The following CHRNA7 variants were observed in gnomAD, a reference collection of about 807,000 sequenced individuals.
CHRNA7 encodes cholinergic receptor nicotinic alpha 7 subunit.
Under a neutral mutation model 48.0 loss-of-function variants are expected in CHRNA7, and 17 were observed. The observed-to-expected ratio is 0.35, with a 90% CI of 0.24 to 0.53. CHRNA7 has a LOEUF of 0.53. Ranked by LOEUF, CHRNA7 falls within the 20% of genes least tolerant of loss-of-function variation. The probability of loss-of-function intolerance (pLI) is 0.92; values close to 1 mark genes in which losing one functional copy is unlikely to be tolerated. For synonymous variants in CHRNA7, 75 were observed against 242.3 expected (o/e 0.31, Z 6.41); for missense variants, 155 against 577.7 (o/e 0.27, Z 7.50).
intron 2 of CHRNA7, 58 bp from the exon 3 acceptor site, chr15:32,101,245 C>G: frequency 6.5e-7 from 1 of 1,547,234 alleles, no homozygotes; most frequent in Non-Finnish European, 8.8e-7. Context: ...ATAATTGTCT[C>G]ATTCTTTCTT....
At chr15:32,086,466 C>G (rs1566828757) in intron 2 of CHRNA7, among the ~76,000 whole-genome samples, 1 of 151,974 alleles carries the variant, frequency 6.6e-6, no homozygotes. Flanking sequence ...CAGGGAGTTT[C>G]CCTGGAGGCC....
chr15:32,112,106 C>T, intron 4 of CHRNA7: 1 of 632,700 alleles, frequency 1.6e-6, no homozygotes, highest in Non-Finnish European at 2.9e-6. Flanking sequence ...TGCACACGTG[C>T]ACACGCTGGC....
chr15:32,050,018 G>C (rs1212873521), intron 2 of CHRNA7, among the ~76,000 whole-genome samples: 1 of 152,226 alleles, frequency 6.6e-6, no homozygotes, highest in African/African-American at 2.4e-5. Context: ...GAGATCCGCT[G>C]TTAGTCTGAT....
At chr15:32,132,448 A>C (rs1017607143) in intron 4 of CHRNA7, among the ~76,000 whole-genome samples, 7 of 152,182 alleles carry the variant, frequency 4.6e-5, no homozygotes, top group African/African-American at 1.7e-4. Flanking sequence ...AAGACTTCTT[A>C]GTCATATTTA....
In CHRNA7 at chr15:32,111,460, A is replaced by C. The variant is rs989641780; in HGVS notation, c.241-330A>C. 5.1e-5 allele frequency: 11 copies of C among 216,340 alleles called. No individual in the cohort carries two copies. In the East Asian group the frequency reaches 1.1e-3, roughly 21 times the overall value. The allele number at this position is 216,340 out of a possible 1,614,324, so 13.4% of individuals were successfully genotyped here. A position where few individuals can be genotyped will look rare whatever the true frequency, so the allele number is the denominator to read the frequency against. On this transcript the variant is annotated intron_variant, in intron 3 of 9. Coordinates refer to ENST00000306901, the MANE Select transcript of CHRNA7 (RefSeq NM_000746.6). The stretch of plus-strand genomic sequence containing the variant: ...AGTATTCTTACAGTGAAAACTTCTA[A>C]GGCAAAACAGTTATTCATTTGGCTA...
chr15:32,120,986 G>A (rs1278118536), intron 4 of CHRNA7, among the ~76,000 whole-genome samples: 3 of 152,192 alleles, frequency 2.0e-5, no homozygotes, highest in African/African-American at 7.2e-5. Flanking sequence ...TCCCGAGCCT[G>A]CTGTGGGGTC....
At chr15:32,130,755 G>A (rs2051141437) in intron 4 of CHRNA7, among the ~76,000 whole-genome samples, 1 of 151,574 alleles carries the variant, frequency 6.6e-6, no homozygotes, top group Admixed American at 6.6e-5. Flanking sequence ...CATCTTACTG[G>A]TTCAAGTAAA....
intron 4 of CHRNA7, among the ~76,000 whole-genome samples, chr15:32,114,382 C>G (rs1199031809): frequency 6.6e-6 from 1 of 151,996 alleles, no homozygotes; most frequent in Non-Finnish European, 1.5e-5. Context: ...GGGTCCAGGC[C>G]CTTAGAAATG....
intron 4 of CHRNA7, among the ~76,000 whole-genome samples, chr15:32,134,616 C>T (rs2051215116): frequency 6.6e-6 from 1 of 151,648 alleles, no homozygotes; most frequent in Non-Finnish European, 1.5e-5. Context: ...AATTAAAACA[C>T]ATACAGAAAC....
At chr15:32,070,812 G>A (rs778074110) in intron 2 of CHRNA7, among the ~76,000 whole-genome samples, 3 of 150,366 alleles carry the variant, frequency 2.0e-5, no homozygotes, top group Non-Finnish European at 3.0e-5. Context: ...TCAGCCTCCC[G>A]AGTAGCTGGG....
At chr15:32,108,357 G>A (rs2050706229) in intron 3 of CHRNA7, among the ~76,000 whole-genome samples, 1 of 152,214 alleles carries the variant, frequency 6.6e-6, no homozygotes, top group South Asian at 2.1e-4. Context: ...TCCTCTAAAT[G>A]TGATTGTCTG....
intron 2 of CHRNA7, among the ~76,000 whole-genome samples, chr15:32,070,629 T>A (rs1169942323): frequency 6.6e-6 from 1 of 151,078 alleles, no homozygotes; most frequent in Non-Finnish European, 1.5e-5. Context: ...CAATCTATTT[T>A]GAGTTTTTTT....
At chr15:32,035,050 CTG>C (rs1348626114) in intron 2 of CHRNA7, among the ~76,000 whole-genome samples, 8 of 152,196 alleles carry the variant, frequency 5.3e-5, no homozygotes, top group Non-Finnish European at 1.0e-4. Context: ...TGATCTATAA[CTG>C]TGTGTATAAA....
chr15:32,150,886 G>T (rs1264405459), intron 4 of CHRNA7, among the ~76,000 whole-genome samples: 1 of 151,864 alleles, frequency 6.6e-6, no homozygotes, highest in South Asian at 2.1e-4. Flanking sequence ...GTCAAGCAAA[G>T]AATATTTACA....
chr15:32,128,319 T>A (rs1290759825), intron 4 of CHRNA7, among the ~76,000 whole-genome samples: 1 of 152,010 alleles, frequency 6.6e-6, no homozygotes, highest in Non-Finnish European at 1.5e-5. Context: ...TGTGTATCCA[T>A]ATGTACAAAA....
rs983137055 is a variant in CHRNA7, at chr15:32,099,623, C to G, written c.196-1680C>G. On this transcript the variant is annotated intron_variant, in intron 2 of 9. Transcript: ENST00000306901. Reference sequence around the variant, plus strand: ...AATGCAATTAAAAGAAGGAAAGGCACCTAAATGGAACCCTTGCTAATTTTA... The same window carrying G: ...AATGCAATTAAAAGAAGGAAAGGCAGCTAAATGGAACCCTTGCTAATTTTA... 4 of 152,336 alleles carry G rather than the reference C, an allele frequency of 2.6e-5. No individual in the cohort carries two copies. The East Asian group carries it at 7.7e-4, about 29-fold the overall frequency. 9.4% of individuals were successfully genotyped at this position (152,336 alleles called of 1,614,324 possible). A position where few individuals can be genotyped will look rare whatever the true frequency, so the allele number is the denominator to read the frequency against.
At chr15:32,140,567 T>C (rs1223097747) in intron 4 of CHRNA7, among the ~76,000 whole-genome samples, 7 of 152,218 alleles carry the variant, frequency 4.6e-5, no homozygotes, top group African/African-American at 1.7e-4. Context: ...TTTCTCCACA[T>C]CCTCTCTAGC....
intron 4 of CHRNA7, among the ~76,000 whole-genome samples, chr15:32,139,120 C>T (rs2051329552): frequency 6.6e-6 from 1 of 152,190 alleles, no homozygotes; most frequent in Non-Finnish European, 1.5e-5. Context: ...ATCTTACAGT[C>T]TGTAATCTTT....
chr15:32,083,844 A>C (rs1208484536), intron 2 of CHRNA7, among the ~76,000 whole-genome samples: 1 of 152,196 alleles, frequency 6.6e-6, no homozygotes, highest in East Asian at 1.9e-4. Context: ...TGTGATAGGA[A>C]CATTTTTCTT....
Sources: gnomAD v4.1 joint callset for allele counts (sites outside exome capture counted in the v4.1 genomes callset) on GRCh38, gnomAD v4.1.1 for gene constraint, MANE v1.5 for transcripts, NCBI Gene and HGNC (gene_info 2026-07-23, HGNC 2026-07-21) for gene names.